The following CNTN1 variants were observed in gnomAD, a reference collection of about 807,000 sequenced individuals.
CNTN1 encodes the protein contactin 1.
A neutral mutation model predicts 126.4 loss-of-function variants in CNTN1; 38 were observed. The ratio of observed to expected loss-of-function variants is 0.30; its 90% CI spans 0.23 to 0.39. The LOEUF is 0.39. CNTN1 is among the 10% of genes least tolerant of loss of function. The pLI, the probability that CNTN1 is intolerant of heterozygous loss-of-function variation, is 1.00. For missense variants in CNTN1, 1,009 were observed against 1,248.4 expected, an observed-to-expected ratio of 0.81 and a Z score of 2.89; for synonymous variants, 413 against 422.6, an observed-to-expected ratio of 0.98 and a Z score of 0.28.
At chr12:40,708,973 C>T (rs1362480894) in intron 1 of CNTN1, among the ~76,000 whole-genome samples, 1 of 152,214 alleles carries the variant, frequency 6.6e-6, no homozygotes, top group Non-Finnish European at 1.5e-5. Flanking sequence ...AATACTGATA[C>T]TTCGATTTGA....
intron 4 of CNTN1, among the ~76,000 whole-genome samples, chr12:40,921,791 C>G (rs1401646099): frequency 6.6e-6 from 1 of 152,100 alleles, no homozygotes. Flanking sequence ...TTGAGCAGAA[C>G]CCACTGTCAA....
chr12:40,855,252 T>C (rs1942861655), intron 1 of CNTN1, among the ~76,000 whole-genome samples: 1 of 152,142 alleles, frequency 6.6e-6, no homozygotes, highest in Non-Finnish European at 1.5e-5. Flanking sequence ...GACATAAACA[T>C]TCATCATAAG....
intron 21 of CNTN1, among the ~76,000 whole-genome samples, chr12:41,026,828 G>C (rs1949047441): frequency 6.6e-6 from 1 of 152,132 alleles, no homozygotes; most frequent in Admixed American, 6.5e-5. Context: ...ATGGATTGTG[G>C]TGGGTTAACA....
intron 7 of CNTN1, among the ~76,000 whole-genome samples, chr12:40,930,925 G>C (rs969655899): frequency 6.6e-6 from 1 of 151,850 alleles, no homozygotes; most frequent in African/African-American, 2.4e-5. Flanking sequence ...AGACTGAAAA[G>C]GAGCCATCAT....
intron 1 of CNTN1, among the ~76,000 whole-genome samples, chr12:40,792,879 T>C (rs1008919004): frequency 4.6e-5 from 7 of 152,130 alleles, no homozygotes; most frequent in Non-Finnish European, 1.0e-4. Context: ...ATATATTTCT[T>C]TGGCCTATTT....
intron 1 of CNTN1, among the ~76,000 whole-genome samples, chr12:40,805,291 T>G (rs1168978336): frequency 6.6e-6 from 1 of 152,034 alleles, no homozygotes; most frequent in Non-Finnish European, 1.5e-5. Flanking sequence ...TTTGCACGAC[T>G]GATATTTACC....
chr12:40,730,890 G>A (rs2121261427), intron 1 of CNTN1, among the ~76,000 whole-genome samples: 1 of 152,146 alleles, frequency 6.6e-6, no homozygotes, highest in South Asian at 2.1e-4. Flanking sequence ...ATTTGTGATG[G>A]AATGCCTTGC....
intron 15 of CNTN1, chr12:40,978,648 A>T (rs1359032530): frequency 6.6e-6 from 1 of 152,206 alleles, no homozygotes; most frequent in African/African-American, 2.4e-5. Flanking sequence ...TTACCCTTAA[A>T]TGAGTGGATG....
chr12:40,925,800 T>TTATA (rs370971706), intron 6 of CNTN1, among the ~76,000 whole-genome samples: 2,169 of 116,356 alleles, frequency 0.019, 25 homozygotes, highest in Non-Finnish European at 0.022. Context: ...ACTATTGAAA[T>TTATA]TATATATATA....
chr12:41,067,623 G>C (rs1245664671), intron 23 of CNTN1, among the ~76,000 whole-genome samples: 3 of 139,298 alleles, frequency 2.2e-5, no homozygotes, highest in South Asian at 2.6e-4. Context: ...GTGGTGGGGT[G>C]GGGGAGGGGG....
rs1948442092 is a variant in CNTN1, at chr12:41,004,449, T to C, written c.2114-9779T>C. ...GGGTGGAGAGTTCTGTAGGTATCTA[T>C]CAGGTCCATTTGATCCAATGCTGAG... is the stretch of plus-strand genomic sequence containing the variant. On this transcript the variant is annotated intron_variant, in intron 17 of 23. Transcript: ENST00000551295. 2.0e-5 allele frequency among the ~76,000 whole-genome samples: 3 copies of C among 152,364 alleles called. No individual in the cohort carries two copies. The South Asian group carries it at 6.2e-4, about 32-fold the overall frequency.
At position 40,939,395 on chromosome 12, in the gene CNTN1, G is replaced by C; in HGVS notation, c.1289G>C (p.Gly430Ala). The change falls in exon 12 of 24, where the codon GGA becomes GCA. Residue 430 changes from glycine (G) to alanine (A), a missense_variant. Physicochemically the swap from Gly to Ala is moderately conservative, Grantham distance 60. Transcript: ENST00000551295. The part of the protein sequence containing the change: ...MKKKILAAKG[G>A]RVIIECKPKA... The stretch of plus-strand genomic sequence containing the variant: ...AAAAAGATCCTGGCTGCTAAAGGTG[G>C]AAGGGTGATAATTGAATGCAAACCT... The C allele has an allele frequency of 6.2e-7, 1 of 1,613,966 alleles. No individual in the cohort carries two copies. The highest frequency in any genetic ancestry group is 1.3e-5 in the African/African-American group (1 of 75,040).
intron 17 of CNTN1, among the ~76,000 whole-genome samples, chr12:40,999,697 C>CTTTTTTTTTTTTTTTTTTTTTTTT (rs398019220): frequency 1.2e-5 from 1 of 86,646 alleles, no homozygotes; most frequent in Non-Finnish European, 2.1e-5. Flanking sequence ...TTCTTCTGTG[C>CTTTTTTTTTTTTTTTTTTTTTTTT]TTTTTTTTTT....
At position 40,929,813 on chromosome 12, in the gene CNTN1, T is replaced by C; in HGVS notation, c.514T>C (p.Trp172Arg). Residue 172 changes from tryptophan to arginine, a missense_variant, in exon 7 of 24, where the codon TGG becomes CGG. Trp to Arg is a moderately radical substitution (Grantham distance 101, BLOSUM62 -3). Coordinates refer to ENST00000551295, the MANE Select transcript of CNTN1 (RefSeq NM_001843.4). ...TCTCCTAGATGATCTTAGCTATCGCTGGCTTCTAAATGAATTTCCTGTATT... is the reference window on the plus strand; with the variant it reads ...TCTCCTAGATGATCTTAGCTATCGCCGGCTTCTAAATGAATTTCCTGTATT... ...YHFPDDLSYR[W>R]LLNEFPVFIT... 6.2e-7 allele frequency: 1 copy of C among 1,611,966 alleles called. No homozygotes were observed. The highest frequency in any genetic ancestry group is 8.5e-7 in the Non-Finnish European group (1 of 1,178,622).
chr12:40,915,753 G>A (rs1480971749), intron 3 of CNTN1, among the ~76,000 whole-genome samples: 1 of 151,798 alleles, frequency 6.6e-6, no homozygotes, highest in Non-Finnish European at 1.5e-5. Flanking sequence ...GATAGATCAT[G>A]CTTTTGGTGT....
intron 1 of CNTN1, among the ~76,000 whole-genome samples, chr12:40,758,097 A>G (rs1355240209): frequency 1.3e-5 from 2 of 150,596 alleles, no homozygotes; most frequent in Non-Finnish European, 3.0e-5. Flanking sequence ...TAGAGAAAGA[A>G]ATTTTTTCCA....
intron 1 of CNTN1, among the ~76,000 whole-genome samples, chr12:40,832,266 C>T (rs190148204): frequency 6.6e-6 from 1 of 152,322 alleles, no homozygotes; most frequent in Non-Finnish European, 1.5e-5. Flanking sequence ...TCATGCACCA[C>T]ATAAATATTT....
chr12:40,993,530 G>A (rs574394160), intron 17 of CNTN1, among the ~76,000 whole-genome samples: 18 of 143,022 alleles, frequency 1.3e-4, no homozygotes, highest in African/African-American at 4.6e-4. Flanking sequence ...AGAGGAAGAG[G>A]TGAATAGGAA....
At chr12:40,790,999 G>A (rs775617453) in intron 1 of CNTN1, among the ~76,000 whole-genome samples, 1 of 152,012 alleles carries the variant, frequency 6.6e-6, no homozygotes, top group Non-Finnish European at 1.5e-5. Flanking sequence ...GAGGCTTTCC[G>A]GTAGTCTATG....
Sources: gnomAD v4.1 joint callset for allele counts (sites outside exome capture counted in the v4.1 genomes callset) on GRCh38, gnomAD v4.1.1 for gene constraint, MANE v1.5 for transcripts, NCBI Gene and HGNC (gene_info 2026-07-23, HGNC 2026-07-21) for gene names.